The following AMPH variants were observed in gnomAD, a reference collection of about 807,000 sequenced individuals.
The protein encoded by AMPH is amphiphysin, also known as amphiphysin (Stiff-Mann syndrome with breast cancer 128kD autoantigen).
A neutral mutation model predicts 99.1 loss-of-function variants in AMPH; 49 were observed. The ratio of observed to expected loss-of-function variants is 0.49; its 90% confidence interval spans 0.39 to 0.63. The LOEUF (loss-of-function observed/expected upper bound fraction) is 0.63. Ranked by LOEUF, AMPH falls within the 20% of genes least tolerant of loss-of-function variation. The pLI, the probability that AMPH is intolerant of heterozygous loss-of-function variation, is 0.00. For missense variants in AMPH, 759 were observed against 863.4 expected (o/e 0.88, Z 1.52); for synonymous variants, 314 against 317.3 (o/e 0.99, Z 0.11).
intron 1 of AMPH, among the ~76,000 whole-genome samples, chr7:38,554,996 A>G (rs1217101125): frequency 1.3e-5 from 2 of 152,236 alleles, no homozygotes; most frequent in African/African-American, 4.8e-5. Flanking sequence ...CCCCAGAAGG[A>G]GAGCATAAAG....
chr7:38,445,010 TAC>T (rs1360486310), intron 11 of AMPH, among the ~76,000 whole-genome samples: 5 of 125,984 alleles, frequency 4.0e-5, no homozygotes, highest in East Asian at 2.8e-4. Context: ...TATATATATA[TAC>T]ACACACACAC....
intron 20 of AMPH, 80 bp from the exon 21 acceptor site, chr7:38,385,005 T>C: frequency 1.6e-6 from 2 of 1,264,378 alleles, no homozygotes; most frequent in Non-Finnish European, 2.3e-6. Context: ...AATAATGTGT[T>C]ACATTAGTGT....
chr7:38,459,588 T>C (rs1365062520), intron 11 of AMPH, among the ~76,000 whole-genome samples: 1 of 151,938 alleles, frequency 6.6e-6, no homozygotes, highest in East Asian at 1.9e-4. Flanking sequence ...CAAGAACATA[T>C]ACTGGGGAAA....
chr7:38,414,714 G>A (rs1379235025), intron 17 of AMPH, among the ~76,000 whole-genome samples: 1 of 151,858 alleles, frequency 6.6e-6, no homozygotes, highest in East Asian at 1.9e-4. Context: ...GCCCTGGTTG[G>A]AGTGCAATGG....
intron 11 of AMPH, among the ~76,000 whole-genome samples, chr7:38,448,198 G>A (rs567408304): frequency 1.5e-3 from 235 of 152,258 alleles, no homozygotes; most frequent in South Asian, 3.5e-3. Flanking sequence ...GCTCCAGATG[G>A]GTACATTACA....
intron 17 of AMPH, among the ~76,000 whole-genome samples, chr7:38,398,799 A>G (rs73118143): frequency 0.23 from 34,718 of 152,148 alleles, 4,331 homozygotes; most frequent in Non-Finnish European, 0.27. Flanking sequence ...TATCTCACGT[A>G]CCTCATAAAT....
chr7:38,550,600 A>G (rs1791147010), intron 1 of AMPH, among the ~76,000 whole-genome samples: 1 of 152,186 alleles, frequency 6.6e-6, no homozygotes, highest in Non-Finnish European at 1.5e-5. Context: ...ACATGGATAT[A>G]CTGCGTAGTG....
intron 17 of AMPH, among the ~76,000 whole-genome samples, chr7:38,412,297 A>G (rs1785238421): frequency 6.6e-6 from 1 of 152,264 alleles, no homozygotes; most frequent in Admixed American, 6.5e-5. Flanking sequence ...CTGGGCATCT[A>G]TCACCTAAAA....
chr7:38,518,384 A>G (rs888633911), intron 2 of AMPH, among the ~76,000 whole-genome samples: 6 of 152,168 alleles, frequency 3.9e-5, no homozygotes, highest in Non-Finnish European at 8.8e-5. Context: ...ATGGAACTCC[A>G]ACCCATTAAA....
At chr7:38,412,119 G>C (rs1785233500) in intron 17 of AMPH, among the ~76,000 whole-genome samples, 1 of 152,154 alleles carries the variant, frequency 6.6e-6, no homozygotes, top group African/African-American at 2.4e-5. Context: ...CTATGGGGCT[G>C]TGATTTGAGG....
chr7:38,563,106 A>T (rs549440953), intron 1 of AMPH, among the ~76,000 whole-genome samples: 1 of 151,892 alleles, frequency 6.6e-6, no homozygotes, highest in South Asian at 2.1e-4. Flanking sequence ...CTATCACTAC[A>T]CATGCAGATA....
At position 38,475,338 on chromosome 7, in the gene AMPH, A is replaced by G; in HGVS notation, c.583T>C (p.Trp195Arg). 2 of 1,610,696 alleles carry G rather than the reference A, an allele frequency of 1.2e-6. No homozygotes were observed. The highest frequency in any genetic ancestry group is 1.7e-6 in the Non-Finnish European group (2 of 1,177,338). ...VDLQEELPSLWSRRVGFYVNT... is the reference protein window; with the variant it reads ...VDLQEELPSLRSRRVGFYVNT... Reference sequence around the variant, plus strand: ...ATAGAGAAACATTTTTACCTTGACCATAATGATGGTAACTCTTCTTGTAAG... The same window carrying G: ...ATAGAGAAACATTTTTACCTTGACCGTAATGATGGTAACTCTTCTTGTAAG... Residue 195 changes from tryptophan (W) to arginine (R), a missense_variant, in exon 7 of 21, where the codon TGG (tryptophan) becomes CGG (arginine). Trp to Arg is a moderately radical substitution (Grantham distance 101). Coordinates refer to ENST00000356264, the MANE Select transcript of AMPH (RefSeq NM_001635.4).
chr7:38,599,805 T>A (rs1053083477), intron 1 of AMPH, among the ~76,000 whole-genome samples: 2 of 151,484 alleles, frequency 1.3e-5, no homozygotes, highest in Non-Finnish European at 2.9e-5. Context: ...ATTTTAAATA[T>A]TTATGTATTG....
intron 1 of AMPH, among the ~76,000 whole-genome samples, chr7:38,620,356 G>C (rs947371709): frequency 2.0e-5 from 3 of 147,288 alleles, no homozygotes; most frequent in Non-Finnish European, 4.5e-5. Flanking sequence ...GTGTGTGTGT[G>C]TGTGTGTCTG....
chr7:38,498,748 C>T (rs1323106576), intron 3 of AMPH, among the ~76,000 whole-genome samples: 3 of 152,200 alleles, frequency 2.0e-5, no homozygotes, highest in African/African-American at 4.8e-5. Context: ...GATCATGGGA[C>T]GTTTTCCCTT....
intron 1 of AMPH, among the ~76,000 whole-genome samples, chr7:38,610,374 AAAGGAAAG>A (rs1793632937): frequency 3.9e-5 from 2 of 51,862 alleles, no homozygotes; most frequent in Non-Finnish European, 4.2e-5. Context: ...AAAAGAAAAG[AAAGGAAAG>A]GAAAAGAAAA....
chr7:38,556,329 C>A (rs933451057), intron 1 of AMPH, among the ~76,000 whole-genome samples: 1 of 152,134 alleles, frequency 6.6e-6, no homozygotes, highest in Admixed American at 6.5e-5. Context: ...TGTTATTAGA[C>A]ACCTGCTGTA....
chr7:38,422,320 C>T (rs986371543), intron 16 of AMPH, 101 bp downstream of exon 16: 78 of 953,982 alleles, frequency 8.2e-5, no homozygotes, highest in African/African-American at 6.4e-4. Flanking sequence ...CCAGAAACCA[C>T]ATTCTGGATA....
intron 11 of AMPH, among the ~76,000 whole-genome samples, chr7:38,439,912 T>A (rs1786436388): frequency 1.3e-5 from 2 of 152,206 alleles, no homozygotes. Flanking sequence ...CACGGCTTCG[T>A]GATAGATGGA....
Sources: allele counts gnomAD v4.1 joint callset (sites outside exome capture counted in the v4.1 genomes callset), GRCh38; gene constraint gnomAD v4.1.1; transcripts MANE v1.5; gene names NCBI Gene and HGNC (gene_info 2026-07-23, HGNC 2026-07-21).